The following NPAS3 variants were observed in gnomAD, a reference collection of about 807,000 sequenced individuals.
NPAS3 encodes neuronal PAS domain protein 3.
In NPAS3, 14 loss-of-function variants were observed where a neutral mutation model predicts 73.1. The observed-to-expected ratio is 0.19, with a 90% confidence interval of 0.13 to 0.30. The LOEUF (loss-of-function observed/expected upper bound fraction) is 0.30. Among genes scored for constraint, NPAS3 ranks in the 10% least tolerant of loss-of-function variants. The pLI, the probability that NPAS3 is intolerant of heterozygous loss-of-function variation, is 1.00. For missense variants in NPAS3, 1,096 were observed against 1,250.0 expected (o/e 0.88, Z 1.86); for synonymous variants, 620 against 541.5 (o/e 1.14, Z -2.01).
chr14:33,327,239 C>G (rs2043749417), intron 3 of NPAS3, among the ~76,000 whole-genome samples: 1 of 152,194 alleles, frequency 6.6e-6, no homozygotes, highest in African/African-American at 2.4e-5. Context: ...TTATTCACCA[C>G]TTACTGAATG....
At chr14:33,212,769 C>T (rs1035287896) in intron 2 of NPAS3, among the ~76,000 whole-genome samples, 1 of 152,112 alleles carries the variant, frequency 6.6e-6, no homozygotes, top group African/African-American at 2.4e-5. Context: ...TGAATAAATT[C>T]CTGATATAAA....
At chr14:33,070,305 T>C (rs2041440717) in intron 2 of NPAS3, among the ~76,000 whole-genome samples, 1 of 152,216 alleles carries the variant, frequency 6.6e-6, no homozygotes, top group African/African-American at 2.4e-5. Flanking sequence ...TAGTTGTTGT[T>C]TTTTTCATCC....
chr14:33,505,296 G>C (rs2052702007), intron 4 of NPAS3, among the ~76,000 whole-genome samples: 1 of 151,956 alleles, frequency 6.6e-6, no homozygotes, highest in South Asian at 2.1e-4. Flanking sequence ...CACAATTGAT[G>C]GCAGTTGAAT....
At chr14:33,111,333 C>T (rs1028970358) in intron 2 of NPAS3, among the ~76,000 whole-genome samples, 5 of 152,134 alleles carry the variant, frequency 3.3e-5, no homozygotes, top group East Asian at 1.9e-4. Context: ...GAGCGTAGAA[C>T]GGTGATTTTG....
chr14:32,947,446 C>T (rs543609943), intron 1 of NPAS3, among the ~76,000 whole-genome samples: 83 of 152,156 alleles, frequency 5.5e-4, no homozygotes, highest in Middle Eastern at 3.4e-3. Flanking sequence ...ATGGAAGGGG[C>T]ATTTTCCCTT....
chr14:33,313,785 A>C (rs1359283644), intron 3 of NPAS3, among the ~76,000 whole-genome samples: 2 of 152,240 alleles, frequency 1.3e-5, no homozygotes, highest in East Asian at 3.9e-4. Flanking sequence ...ATCATACCAG[A>C]GAATCATGTT....
At chr14:33,149,961 T>C (rs1017489153) in intron 2 of NPAS3, among the ~76,000 whole-genome samples, 3 of 152,090 alleles carry the variant, frequency 2.0e-5, no homozygotes, top group Non-Finnish European at 4.4e-5. Context: ...CAGGCCCCAG[T>C]GTGTGGTGTT....
chr14:33,345,741 C>T (rs8013130), intron 3 of NPAS3, among the ~76,000 whole-genome samples: 1 of 151,982 alleles, frequency 6.6e-6, no homozygotes, highest in African/African-American at 2.4e-5. Flanking sequence ...TGCAGTTCAA[C>T]AGACAAGCTG....
chr14:33,536,959 A>C (rs35739577), intron 4 of NPAS3, among the ~76,000 whole-genome samples: 1,798 of 152,232 alleles, frequency 0.012, 15 homozygotes, highest in Non-Finnish European at 0.02. Context: ...TGAAAAAGAA[A>C]TTGGTGTATG....
In NPAS3 at chr14:33,744,807, T is replaced by C. The variant is rs1220641953; in HGVS notation, c.852+9475T>C. Among the ~76,000 whole-genome samples the C allele has an allele frequency of 2.0e-5, 3 of 151,014 alleles. No homozygotes were observed. In the East Asian group the frequency reaches 6.0e-4, roughly 30 times the overall value. ...CCCATCCCAAAAAAGCAAATAATAA[T>C]AATAATAATAATGAAGTTTGAAATA... On this transcript the variant is annotated intron_variant, in intron 7 of 11. Coordinates refer to ENST00000356141, the Ensembl canonical transcript of NPAS3.
chr14:33,671,966 G>A (rs2059621357), intron 5 of NPAS3, among the ~76,000 whole-genome samples: 2 of 152,064 alleles, frequency 1.3e-5, no homozygotes, highest in South Asian at 4.2e-4. Context: ...ATTGAAGACA[G>A]GACCAATAAT....
intron 4 of NPAS3, among the ~76,000 whole-genome samples, chr14:33,421,943 G>A (rs933168329): frequency 6.6e-6 from 1 of 151,776 alleles, no homozygotes; most frequent in Middle Eastern, 3.4e-3. Flanking sequence ...TTTAATTTTT[G>A]AGTTTTTTTC....
intron 3 of NPAS3, among the ~76,000 whole-genome samples, chr14:33,252,625 T>C (rs1398294796): frequency 2.7e-5 from 4 of 150,236 alleles, no homozygotes; most frequent in Non-Finnish European, 5.9e-5. Context: ...ATTTGATTTC[T>C]GAAAATAGTT....
At chr14:33,175,233 A>T (rs1353858041) in intron 2 of NPAS3, among the ~76,000 whole-genome samples, 5 of 152,176 alleles carry the variant, frequency 3.3e-5, no homozygotes, top group Admixed American at 6.5e-5. Context: ...TTTTTGACAA[A>T]GTTTTTGTTG....
chr14:33,784,745 A>ATTTATTTATTTTTTTTTT (rs1471526546), intron 9 of NPAS3, among the ~76,000 whole-genome samples: 2 of 73,838 alleles, frequency 2.7e-5, no homozygotes, highest in African/African-American at 1.3e-4. Context: ...TTATTTATTT[A>ATTTATTTATTTTTTTTTT]TTTTTTTTTT....
intron 2 of NPAS3, among the ~76,000 whole-genome samples, chr14:33,182,727 C>T (rs772182199): frequency 1.3e-4 from 20 of 152,296 alleles, no homozygotes; most frequent in Middle Eastern, 3.4e-3. Flanking sequence ...GCCGGTCCTT[C>T]ATCATTTCTC....
At chr14:33,533,047 A>G (rs1566978381) in intron 4 of NPAS3, among the ~76,000 whole-genome samples, 1 of 152,106 alleles carries the variant, frequency 6.6e-6, no homozygotes, top group Non-Finnish European at 1.5e-5. Context: ...AACTAAGCAT[A>G]ATAAACATAA....
chr14:33,178,550 C>T (rs867030436), intron 2 of NPAS3, among the ~76,000 whole-genome samples: 4 of 152,260 alleles, frequency 2.6e-5, no homozygotes, highest in Middle Eastern at 6.8e-3. Flanking sequence ...ATGTACTTGG[C>T]TAAATTTATT....
At chr14:33,167,379 AAAAATGG>A (rs1409127213) in intron 2 of NPAS3, among the ~76,000 whole-genome samples, 1 of 152,148 alleles carries the variant, frequency 6.6e-6, no homozygotes, top group Non-Finnish European at 1.5e-5. Context: ...GTGGGCTAGC[AAAAATGG>A]AAAATGGAAT....
Sources: gnomAD v4.1 joint callset for allele counts (sites outside exome capture counted in the v4.1 genomes callset) on GRCh38, gnomAD v4.1.1 for gene constraint, MANE v1.5 for transcripts, NCBI Gene and HGNC (gene_info 2026-07-23, HGNC 2026-07-21) for gene names.